The following SRBD1 variants were observed in gnomAD, a reference collection of about 807,000 sequenced individuals.
SRBD1 encodes the protein S1 RNA-binding domain-containing protein 1.
Under a neutral mutation model 115.3 loss-of-function variants are expected in SRBD1, and 88 were observed. That is an observed-to-expected ratio of 0.76 (90% CI 0.64 to 0.91). The LOEUF (loss-of-function observed/expected upper bound fraction) is 0.91. Among genes scored for constraint, SRBD1 ranks in the 40% least tolerant of loss-of-function variants. SRBD1 has a pLI of 0.00. For synonymous variants in SRBD1, 509 were observed against 407.7 expected, an observed-to-expected ratio of 1.25 and a Z score of -2.99; for missense variants, 1,385 against 1,177.4, an observed-to-expected ratio of 1.18 and a Z score of -2.58.
chr2:45,587,209 TA>T (rs908654460), intron 4 of SRBD1, among the ~76,000 whole-genome samples: 78 of 145,970 alleles, frequency 5.3e-4, no homozygotes, highest in African/African-American at 1.7e-3. Flanking sequence ...TTAATTATTT[TA>T]AAATATTATA....
intron 15 of SRBD1, among the ~76,000 whole-genome samples, chr2:45,486,099 T>C (rs1231892314): frequency 6.6e-6 from 1 of 152,228 alleles, no homozygotes; most frequent in African/African-American, 2.4e-5. Flanking sequence ...CATTTTATTA[T>C]CTTCTATTTT....
At chr2:45,599,859 AT>A (rs1403606759) in intron 3 of SRBD1, 24 bp from the exon 4 acceptor site, 1 of 1,580,078 alleles carries the variant, frequency 6.3e-7, no homozygotes, top group African/African-American at 1.4e-5. Context: ...AAGAGAACAT[AT>A]GAGAATTAGA....
intron 14 of SRBD1, among the ~76,000 whole-genome samples, chr2:45,517,236 G>A (rs776436899): frequency 2.6e-5 from 4 of 152,070 alleles, no homozygotes; most frequent in Non-Finnish European, 5.9e-5. Context: ...TTCTATGTGT[G>A]TTTTATCTTT....
At chr2:45,559,727 T>C (rs1391239770) in intron 10 of SRBD1, among the ~76,000 whole-genome samples, 1 of 152,194 alleles carries the variant, frequency 6.6e-6, no homozygotes, top group African/African-American at 2.4e-5. Context: ...CTTTTGAGAA[T>C]AATTTTTTAG....
intron 7 of SRBD1, among the ~76,000 whole-genome samples, chr2:45,576,644 T>C (rs549362419): frequency 1.1e-4 from 16 of 152,326 alleles, no homozygotes; most frequent in Admixed American, 2.6e-4. Flanking sequence ...CTATAACACA[T>C]AGAGCACTCA....
intron 18 of SRBD1, 116 bp downstream of exon 18, chr2:45,418,249 G>T: frequency 1.6e-6 from 2 of 1,214,270 alleles, no homozygotes; most frequent in Non-Finnish European, 2.3e-6. Flanking sequence ...ACACTTAACT[G>T]AATGAAGGCA....
rs558682048 is a variant in SRBD1, at chr2:45,573,055, C to T, written c.1305+152G>A. 1.4e-4 allele frequency: 112 copies of T among 823,398 alleles called. No homozygotes were observed. The South Asian group carries it at 1.8e-3, about 13-fold the overall frequency. The allele number at this position is 823,398 out of a possible 1,614,324, so 51.0% of individuals were successfully genotyped here. A position where few individuals can be genotyped will look rare whatever the true frequency, so the allele number is the denominator to read the frequency against. On this transcript the variant is annotated intron_variant, in intron 9 of 20. Coordinates refer to ENST00000263736, the MANE Select transcript of SRBD1 (RefSeq NM_018079.5). ...GGTCATTACTTCCCAATTTGTGAAG[C>T]GGCAAGGATATGACAATATTATAAG... is the stretch of plus-strand genomic sequence containing the variant.
chr2:45,491,965 G>C (rs1459124900), intron 14 of SRBD1, among the ~76,000 whole-genome samples: 1 of 129,620 alleles, frequency 7.7e-6, no homozygotes, highest in African/African-American at 2.6e-5. Flanking sequence ...AGGATTATAG[G>C]TGCCCACCAT....
In SRBD1 at chr2:45,605,406, G is replaced by A; in HGVS notation, c.36C>T (p.Val12=). Residue 12 remains valine (V), a synonymous_variant, in exon 2 of 21, where the codon GTC becomes GTT. Transcript: ENST00000263736. ...SSLPRRAKVQ[V]QDVVLKDEFS... is the part of the protein sequence containing the mutation. ...ATTCATCTTTCAGTACCACATCCTG[G>A]ACCTGTACTTTCGCTCTTCTTGGCA... 1.2e-6 allele frequency: 2 copies of A among 1,613,664 alleles called. No individual in the cohort carries two copies. Among genetic ancestry groups the A allele is most frequent in the Non-Finnish European group, 1.7e-6 (2 of 1,179,980 alleles).
chr2:45,421,506 CAAACAAAAAAAAAAAAAAAAAA>C lies in SRBD1; in HGVS notation c.2050-1634_2050-1613del, dbSNP rs1668003669. ...TGGGTGACGGTGTGAGACTCCGTCTCAAACAAAAAAAAAAAAAAAAAAAAAAAAAAAAAAAAAAAGTCAGAAA... is the reference window on the plus strand; with the variant it reads ...TGGGTGACGGTGTGAGACTCCGTCTCAAAAAAAAAAAAAAAAAGTCAGAAA... On this transcript the variant is annotated intron_variant, in intron 16 of 20. Coordinates refer to ENST00000263736, the MANE Select transcript of SRBD1 (RefSeq NM_018079.5). Among the ~76,000 whole-genome samples the C allele has an allele frequency of 8.4e-3, 406 of 48,116 alleles. 4 individuals carry two copies. The highest frequency in any genetic ancestry group is 0.03 in the African/African-American group (370 of 12,472). The allele number at this position is 48,116 out of a possible 152,430, so 31.6% of individuals were successfully genotyped here. A position where few individuals can be genotyped will look rare whatever the true frequency, so the allele number is the denominator to read the frequency against.
intron 14 of SRBD1, among the ~76,000 whole-genome samples, chr2:45,541,603 A>C (rs534610326): frequency 9.3e-4 from 142 of 152,244 alleles, no homozygotes; most frequent in Non-Finnish European, 1.7e-3. Context: ...AGGTTGTCCC[A>C]ATGAGTGTCT....
chr2:45,445,048 A>G (rs1173336922), intron 16 of SRBD1, among the ~76,000 whole-genome samples: 1 of 152,240 alleles, frequency 6.6e-6, no homozygotes, highest in Admixed American at 6.5e-5. Flanking sequence ...ACAGTAGACA[A>G]TGTTTCCATT....
rs1666920449 is a variant in SRBD1, at chr2:45,388,951, C to T, written c.*359G>A. Reference sequence around the variant, plus strand: ...ACAATTCAAATCAAGAAGACAATCCCATACAAGTCCAGCAAGGCAGATGTT... The same window carrying T: ...ACAATTCAAATCAAGAAGACAATCCTATACAAGTCCAGCAAGGCAGATGTT... On this transcript the variant is annotated 3_prime_UTR_variant, in exon 21 of 21. Coordinates refer to ENST00000263736, the MANE Select transcript of SRBD1 (RefSeq NM_018079.5). 1 of 203,156 alleles carries T rather than the reference C, an allele frequency of 4.9e-6. No individual in the cohort carries two copies. The highest frequency in any genetic ancestry group is 1.0e-5 in the Non-Finnish European group (1 of 99,798). The allele number at this position is 203,156 out of a possible 1,614,324, so 12.6% of individuals were successfully genotyped here.
chr2:45,446,379 C>A (rs772433980), intron 16 of SRBD1, among the ~76,000 whole-genome samples: 1 of 152,020 alleles, frequency 6.6e-6, no homozygotes, highest in Non-Finnish European at 1.5e-5. Flanking sequence ...GCAGGGAGTC[C>A]CCTAACCATG....
chr2:45,443,999 TA>T (rs1668748007), intron 16 of SRBD1, among the ~76,000 whole-genome samples: 1 of 152,162 alleles, frequency 6.6e-6, no homozygotes. Context: ...AGCTGTTTTT[TA>T]TTCTAAGGGG....
intron 14 of SRBD1, among the ~76,000 whole-genome samples, chr2:45,529,536 C>T (rs1340131663): frequency 2.0e-5 from 3 of 151,758 alleles, no homozygotes; most frequent in Admixed American, 1.3e-4. Flanking sequence ...TCTTTCTGCA[C>T]CCAATAAAAA....
At chr2:45,609,574 G>T (rs541944849) in intron 1 of SRBD1, among the ~76,000 whole-genome samples, 1 of 152,284 alleles carries the variant, frequency 6.6e-6, no homozygotes, top group South Asian at 2.1e-4. Flanking sequence ...AAAAGGCCCT[G>T]TCGGACTGAG....
chr2:45,460,384 G>T (rs2103770476), intron 16 of SRBD1, among the ~76,000 whole-genome samples: 1 of 152,276 alleles, frequency 6.6e-6, no homozygotes. Flanking sequence ...CACCATATGA[G>T]GGGGGTTCTG....
chr2:45,560,894 C>G (rs908993643), intron 10 of SRBD1, among the ~76,000 whole-genome samples: 6 of 151,650 alleles, frequency 4.0e-5, no homozygotes, highest in Non-Finnish European at 5.9e-5. Flanking sequence ...CCGCTTGAGC[C>G]CAGGAGTTCA....
Sources: gnomAD v4.1 joint callset for allele counts (sites outside exome capture counted in the v4.1 genomes callset) on GRCh38, gnomAD v4.1.1 for gene constraint, MANE v1.5 for transcripts, NCBI Gene and HGNC (gene_info 2026-07-23, HGNC 2026-07-21) for gene names.